Variants in GPR39 observed in about 807,000 individuals in gnomAD.
GPR39 encodes the protein zinc sensing receptor.
GPR39 carries 23 observed loss-of-function variants against 18.4 expected under a neutral mutation model. The observed-to-expected ratio is 1.25, with a 90% confidence interval of 0.90 to 1.77. The LOEUF is 1.77. Among genes scored for constraint, GPR39 ranks in the 40% most tolerant of loss-of-function variants. The probability of loss-of-function intolerance (pLI) is 0.00; values close to 1 mark genes in which losing one functional copy is unlikely to be tolerated. For synonymous variants in GPR39, 280 were observed against 257.9 expected (o/e 1.09, Z -0.82); for missense variants, 647 against 602.4 (o/e 1.07, Z -0.78).
In GPR39 at chr2:132,561,060, C is replaced by T. The variant is rs559687863; in HGVS notation, c.857-84041C>T. Among the ~76,000 whole-genome samples, 599 of 151,614 alleles carry T rather than the reference C, an allele frequency of 4.0e-3. 2 individuals carry two copies. Among genetic ancestry groups the T allele is most frequent in the Non-Finnish European group, 6.8e-3 (464 of 67,920 alleles). ...TCCCGAGTAGCTGGGACTACAGGAACGTGCCACCATGCCTGGCTAAATTTT... is the reference window on the plus strand; with the variant it reads ...TCCCGAGTAGCTGGGACTACAGGAATGTGCCACCATGCCTGGCTAAATTTT... On this transcript the variant is annotated intron_variant, in intron 1 of 1. Coordinates refer to ENST00000329321, the MANE Select transcript of GPR39 (RefSeq NM_001508.3).
intron 1 of GPR39, among the ~76,000 whole-genome samples, chr2:132,438,029 A>G (rs1680362002): frequency 6.6e-6 from 1 of 152,244 alleles, no homozygotes; most frequent in South Asian, 2.1e-4. Flanking sequence ...AGTATTGCCA[A>G]AAGTCTGGCA....
chr2:132,453,765 A>G (rs1418286644), intron 1 of GPR39, among the ~76,000 whole-genome samples: 1 of 152,056 alleles, frequency 6.6e-6, no homozygotes, highest in African/African-American at 2.4e-5. Context: ...TGTTTTTGTC[A>G]GGTTGGTCAA....
intron 1 of GPR39, among the ~76,000 whole-genome samples, chr2:132,552,942 A>ATT (rs201811076): frequency 1.9e-5 from 2 of 104,838 alleles, no homozygotes; most frequent in African/African-American, 6.2e-5. Flanking sequence ...ACATATATAT[A>ATT]TTTTTTTTTT....
intron 1 of GPR39, among the ~76,000 whole-genome samples, chr2:132,615,840 C>T (rs1210648393): frequency 6.6e-6 from 1 of 152,000 alleles, no homozygotes; most frequent in African/African-American, 2.4e-5. Flanking sequence ...GGCCTTTACT[C>T]TCAGGTGTTG....
intron 1 of GPR39, among the ~76,000 whole-genome samples, chr2:132,537,677 C>T (rs1679783962): frequency 6.6e-6 from 1 of 152,008 alleles, no homozygotes; most frequent in Admixed American, 6.6e-5. Context: ...TTTTCAGGTA[C>T]ACCAATCAAT....
chr2:132,434,930 G>A (rs983870349), intron 1 of GPR39, among the ~76,000 whole-genome samples: 1 of 152,260 alleles, frequency 6.6e-6, no homozygotes, highest in South Asian at 2.1e-4. Flanking sequence ...ATGACTTGAC[G>A]GAGATGAGTG....
intron 1 of GPR39, among the ~76,000 whole-genome samples, chr2:132,508,377 C>T (rs915147768): frequency 7.9e-5 from 12 of 152,118 alleles, no homozygotes; most frequent in African/African-American, 2.9e-4. Flanking sequence ...CACTAAGCTC[C>T]ACAGTAAGGC....
intron 1 of GPR39, among the ~76,000 whole-genome samples, chr2:132,567,949 G>T (rs1159135578): frequency 6.6e-6 from 1 of 152,022 alleles, no homozygotes; most frequent in Non-Finnish European, 1.5e-5. Context: ...TGTCATGATT[G>T]TGAGTCCTCC....
At chr2:132,539,743 C>G (rs1041277116) in intron 1 of GPR39, among the ~76,000 whole-genome samples, 6 of 152,124 alleles carry the variant, frequency 3.9e-5, no homozygotes, top group African/African-American at 1.4e-4. Context: ...CATATTCTGT[C>G]TGTCAGAGCA....
intron 1 of GPR39, among the ~76,000 whole-genome samples, chr2:132,419,883 C>T (rs1047071349): frequency 3.9e-5 from 6 of 152,120 alleles, no homozygotes; most frequent in South Asian, 4.1e-4. Flanking sequence ...ATTGATTTAT[C>T]GTTACTCTAT....
At chr2:132,425,279 A>C (rs1239982971) in intron 1 of GPR39, among the ~76,000 whole-genome samples, 1 of 152,338 alleles carries the variant, frequency 6.6e-6, no homozygotes, top group South Asian at 2.1e-4. Flanking sequence ...AAGGGGGCAC[A>C]GATGATGTCT....
chr2:132,614,112 T>C (rs1377479984), intron 1 of GPR39, among the ~76,000 whole-genome samples: 1 of 152,206 alleles, frequency 6.6e-6, no homozygotes, highest in Non-Finnish European at 1.5e-5. Flanking sequence ...GAAGGTCCTC[T>C]TGTGAATTCT....
chr2:132,420,206 T>G (rs1437128625), intron 1 of GPR39, among the ~76,000 whole-genome samples: 1 of 152,256 alleles, frequency 6.6e-6, no homozygotes, highest in Non-Finnish European at 1.5e-5. Context: ...CAATGTGCGA[T>G]AATGTCCTGG....
chr2:132,630,569 C>A (rs12469590), intron 1 of GPR39, among the ~76,000 whole-genome samples: 39,449 of 152,048 alleles, frequency 0.26, 5,182 homozygotes, highest in East Asian at 0.32. Flanking sequence ...AGGTTTTAAG[C>A]AAGGAGGTGA....
In GPR39 at chr2:132,483,938, C is replaced by G. The variant is rs115785202; in HGVS notation, c.856+66040C>G. Among the ~76,000 whole-genome samples the G allele has an allele frequency of 4.7e-3, 717 of 152,276 alleles. 6 individuals are homozygous for G. Among genetic ancestry groups the G allele is most frequent in the African/African-American group, 0.017 (695 of 41,548 alleles). On this transcript the variant is annotated intron_variant, in intron 1 of 1. Coordinates refer to ENST00000329321, the MANE Select transcript of GPR39 (RefSeq NM_001508.3). ...CCCAGGAATCCAGATAGTATGTCAG[C>G]TTTTCTTCTGTTAGTTGGTGGATCA...
At chr2:132,540,152 C>T (rs1679836171) in intron 1 of GPR39, among the ~76,000 whole-genome samples, 1 of 152,192 alleles carries the variant, frequency 6.6e-6, no homozygotes, top group Non-Finnish European at 1.5e-5. Flanking sequence ...TTCTTGTACT[C>T]ATCTACAGGT....
intron 1 of GPR39, among the ~76,000 whole-genome samples, chr2:132,589,903 G>T (rs1268638951): frequency 6.6e-6 from 1 of 152,150 alleles, no homozygotes; most frequent in African/African-American, 2.4e-5. Flanking sequence ...GGTGAGAAAG[G>T]CATTGTAATT....
intron 1 of GPR39, among the ~76,000 whole-genome samples, chr2:132,533,416 C>A (rs1573651485): frequency 7.3e-6 from 1 of 137,754 alleles, no homozygotes; most frequent in East Asian, 3.5e-4. Flanking sequence ...AATGGCCATA[C>A]TGCCCCAGGT....
intron 1 of GPR39, among the ~76,000 whole-genome samples, chr2:132,429,233 C>T (rs569939452): frequency 4.6e-5 from 7 of 152,290 alleles, no homozygotes; most frequent in Middle Eastern, 3.4e-3. Context: ...TTGCAGTCCA[C>T]GTTCTTTACA....
Sources: gnomAD v4.1 joint callset for allele counts (sites outside exome capture counted in the v4.1 genomes callset) on GRCh38, gnomAD v4.1.1 for gene constraint, MANE v1.5 for transcripts, NCBI Gene and HGNC (gene_info 2026-07-23, HGNC 2026-07-21) for gene names.